THSD4: variants seen among roughly 807,000 people sequenced by gnomAD.
THSD4 encodes thrombospondin type-1 domain-containing protein 4.
THSD4 carries 69 observed loss-of-function variants against 119.0 expected under a neutral mutation model. That is an observed-to-expected ratio of 0.58 (90% CI 0.48 to 0.71). The LOEUF is 0.71. Among genes scored for constraint, THSD4 ranks in the 30% least tolerant of loss-of-function variants. The pLI, the probability that THSD4 is intolerant of heterozygous loss-of-function variation, is 0.00. For synonymous variants in THSD4, 524 were observed against 540.4 expected (o/e 0.97, Z 0.42); for missense variants, 1,393 against 1,391.1 (o/e 1.00, Z -0.02).
chr15:71,491,179 C>T (rs769925301), intron 7 of THSD4, among the ~76,000 whole-genome samples: 1 of 152,168 alleles, frequency 6.6e-6, no homozygotes, highest in Non-Finnish European at 1.5e-5. Context: ...AAAACATGCC[C>T]TTTTCCTCCA....
chr15:71,483,351 A>G (rs183722460), intron 7 of THSD4, among the ~76,000 whole-genome samples: 50 of 152,216 alleles, frequency 3.3e-4, no homozygotes, highest in Admixed American at 1.2e-3. Context: ...TTGAATTTTA[A>G]TCTATGTTGG....
chr15:71,682,851 T>G (rs1399189993), intron 8 of THSD4, among the ~76,000 whole-genome samples: 1 of 150,844 alleles, frequency 6.6e-6, no homozygotes, highest in Admixed American at 6.6e-5. Flanking sequence ...TTCCCTCTTT[T>G]GCTACTTTCT....
At position 71,155,030 on chromosome 15, in the gene THSD4, C is replaced by T. The variant is rs577554592; in HGVS notation, c.99+98C>T. ...TTTGTTCTGTTTGAAGGTGAGTCACCACTGATCCTGAAAGGAAGCACCATT... is the reference window on the plus strand; with the variant it reads ...TTTGTTCTGTTTGAAGGTGAGTCACTACTGATCCTGAAAGGAAGCACCATT... On this transcript the variant is annotated intron_variant, in intron 3 of 17. Transcript: ENST00000261862. The T allele has an allele frequency of 4.5e-5, 50 of 1,122,176 alleles. No individual in the cohort carries two copies. In the Admixed American group the frequency reaches 8.6e-4, roughly 19 times the overall value. The allele number at this position is 1,122,176 out of a possible 1,614,324, so 69.5% of individuals were successfully genotyped here.
chr15:71,208,850 C>T (rs1420236454), intron 3 of THSD4, among the ~76,000 whole-genome samples: 1 of 152,084 alleles, frequency 6.6e-6, no homozygotes. Context: ...TGGCTCATGG[C>T]CCATCATGAC....
intron 7 of THSD4, among the ~76,000 whole-genome samples, chr15:71,571,630 A>G (rs1405447164): frequency 6.6e-6 from 1 of 152,172 alleles, no homozygotes; most frequent in East Asian, 1.9e-4. Flanking sequence ...CCTATTGTGG[A>G]CAGGATTCTC....
Position 71,633,273 on chromosome 15 carries a change from T to C in THSD4, c.1153-27257T>C, listed in dbSNP as rs79030503. ...TTTCTTTTTCTTTCTTTCTTTCTTTTTTTTTTTTTTTTTTTTTTTGGAGAC... is the reference window on the plus strand; with the variant it reads ...TTTCTTTTTCTTTCTTTCTTTCTTTCTTTTTTTTTTTTTTTTTTTGGAGAC... On this transcript the variant is annotated intron_variant, in intron 7 of 17. Transcript: ENST00000261862. Among the ~76,000 whole-genome samples, 547 of 75,778 alleles carry C rather than the reference T, an allele frequency of 7.2e-3. 1 individual carries two copies. The highest frequency in any genetic ancestry group is 9.2e-3 in the African/African-American group (234 of 25,298). The allele number at this position is 75,778 out of a possible 152,430, so 49.7% of individuals were successfully genotyped here. A position where few individuals can be genotyped will look rare whatever the true frequency, so the allele number is the denominator to read the frequency against.
At chr15:71,465,478 T>C (rs2047486684) in intron 7 of THSD4, among the ~76,000 whole-genome samples, 1 of 152,244 alleles carries the variant, frequency 6.6e-6, no homozygotes, top group African/African-American at 2.4e-5. Context: ...ATTATAAAGC[T>C]AATTGATAGA....
At chr15:71,111,428 TGGA>T (rs766882208), upstream of THSD4, 8 of 1,598,776 alleles carry the variant, frequency 5.0e-6, no homozygotes, top group African/African-American at 1.1e-4. Flanking sequence ...CCAGAGTTCC[TGGA>T]GGAGGAAGAA....
chr15:71,682,063 C>T (rs373750654), intron 8 of THSD4, among the ~76,000 whole-genome samples: 24 of 152,122 alleles, frequency 1.6e-4, no homozygotes, highest in African/African-American at 4.3e-4. Context: ...CTGTGAAATC[C>T]GACCCCCCCT....
chr15:71,764,736 T>G (rs960161766), intron 15 of THSD4, among the ~76,000 whole-genome samples: 4 of 151,998 alleles, frequency 2.6e-5, no homozygotes, highest in Non-Finnish European at 5.9e-5. Context: ...GAGTTTATGG[T>G]AAACTGTTTC....
rs182140059 is a variant in THSD4 at position 71,532,551 on chromosome 15, G to T, written c.1152+120728G>T. ...AGGATGGTCTCAATCTCTTGACCTCGCAATCTGCCCGCCTTGGCCTCTCAA... is the reference window on the plus strand; with the variant it reads ...AGGATGGTCTCAATCTCTTGACCTCTCAATCTGCCCGCCTTGGCCTCTCAA... On this transcript the variant is annotated intron_variant, in intron 7 of 17. Transcript: ENST00000261862. Among the ~76,000 whole-genome samples the T allele has an allele frequency of 4.0e-5, 6 of 151,770 alleles. 1 individual carries two copies. The highest frequency in any genetic ancestry group is 3.9e-4 in the Admixed American group (6 of 15,216).
chr15:71,451,940 C>T (rs1037305135), intron 7 of THSD4, among the ~76,000 whole-genome samples: 1 of 152,212 alleles, frequency 6.6e-6, no homozygotes, highest in Non-Finnish European at 1.5e-5. Context: ...GCTGCATCTG[C>T]TCCAGTCACA....
Position 71,765,033 on chromosome 15 carries a change from G to C in THSD4, c.2603G>C (p.Cys868Ser). The C allele has an allele frequency of 6.2e-7, 1 of 1,613,980 alleles. No individual in the cohort carries two copies. The highest frequency in any genetic ancestry group is 8.5e-7 in the Non-Finnish European group (1 of 1,179,904). ...TTCTTTCTGCAGTGTTCCATCGAGT[G>C]TGGGAGCGGGACGCAACAGAGGGAG... ...AGSWSQCSIE[C>S]GSGTQQREVI... The change falls in exon 16 of 18, where the codon TGT (cysteine) becomes TCT (serine). Residue 868 changes from cysteine to serine, a missense_variant. Transcript: ENST00000261862.
At chr15:71,124,793 G>A (rs749398702) in intron 1 of THSD4, among the ~76,000 whole-genome samples, 9 of 151,998 alleles carry the variant, frequency 5.9e-5, no homozygotes, top group Non-Finnish European at 8.8e-5. Context: ...CTGTAATCCC[G>A]GCACTTTGGG....
chr15:71,730,351 C>G (rs55879151), intron 9 of THSD4: 28,066 of 152,128 alleles, frequency 0.18, 2,701 homozygotes, highest in Middle Eastern at 0.23. Context: ...AGCCCACCAC[C>G]CTGCTCCCCA....
At chr15:71,481,485 T>G (rs2047728891) in intron 7 of THSD4, among the ~76,000 whole-genome samples, 1 of 152,232 alleles carries the variant, frequency 6.6e-6, no homozygotes, top group African/African-American at 2.4e-5. Context: ...GCTAAGTCCT[T>G]CACTGAATTC....
chr15:71,755,893 C>G (rs896806334), intron 14 of THSD4, among the ~76,000 whole-genome samples: 3 of 152,222 alleles, frequency 2.0e-5, no homozygotes, highest in Admixed American at 2.0e-4. Context: ...GGCTTCTGAT[C>G]TGTCCAGTGA....
chr15:71,601,111 C>T (rs749365657), intron 7 of THSD4, among the ~76,000 whole-genome samples: 4 of 152,084 alleles, frequency 2.6e-5, no homozygotes, highest in Non-Finnish European at 5.9e-5. Flanking sequence ...TGCCCAACAA[C>T]CAGTGAGATA....
chr15:71,347,353 C>T lies in THSD4; in HGVS notation c.1016-64334C>T, dbSNP rs1222029872. Among the ~76,000 whole-genome samples the T allele has an allele frequency of 4.6e-5, 7 of 152,318 alleles. No individual in the cohort carries two copies. In the East Asian group the frequency reaches 1.2e-3, roughly 25 times the overall value. On this transcript the variant is annotated intron_variant, in intron 6 of 17. Coordinates refer to ENST00000261862, the MANE Select transcript of THSD4 (RefSeq NM_024817.3). ...CAGTTAGCACCATGTCACCCTCCCTCATATGTGGATGCCATCTCCCTGCCA... is the reference window on the plus strand; with the variant it reads ...CAGTTAGCACCATGTCACCCTCCCTTATATGTGGATGCCATCTCCCTGCCA...
Sources: allele counts gnomAD v4.1 joint callset (sites outside exome capture counted in the v4.1 genomes callset), GRCh38; gene constraint gnomAD v4.1.1; transcripts MANE v1.5; gene names NCBI Gene and HGNC (gene_info 2026-07-23, HGNC 2026-07-21).